The following ANO5 variants were observed in gnomAD, a reference collection of about 807,000 sequenced individuals.
The protein encoded by ANO5 is anoctamin-5.
ANO5 carries 109 observed loss-of-function variants against 121.0 expected under a neutral mutation model. The ratio of observed to expected loss-of-function variants is 0.90; its 90% confidence interval spans 0.77 to 1.06. The LOEUF (loss-of-function observed/expected upper bound fraction) is 1.06. Ranked by LOEUF, ANO5 falls within the 50% of genes least tolerant of loss-of-function variation. The pLI, the probability that ANO5 is intolerant of heterozygous loss-of-function variation, is 0.00. For missense variants in ANO5, 1,064 were observed against 1,078.5 expected, an observed-to-expected ratio of 0.99 and a Z score of 0.19; for synonymous variants, 406 against 359.9, an observed-to-expected ratio of 1.13 and a Z score of -1.45.
At chr11:22,253,484 T>G (rs927895979) in intron 12 of ANO5, among the ~76,000 whole-genome samples, 1 of 152,164 alleles carries the variant, frequency 6.6e-6, no homozygotes, top group Non-Finnish European at 1.5e-5. Context: ...ATAGCCATAG[T>G]AACCAAATAC....
At chr11:22,224,543 G>A (rs1456604567) in intron 5 of ANO5, among the ~76,000 whole-genome samples, 1 of 152,054 alleles carries the variant, frequency 6.6e-6, no homozygotes, top group Non-Finnish European at 1.5e-5. Context: ...AATGATACCA[G>A]ATCCATAGTT....
At chr11:22,226,097 T>C (rs1217788631) in intron 6 of ANO5, 45 bp downstream of exon 6, 2 of 1,495,532 alleles carry the variant, frequency 1.3e-6, no homozygotes, top group Non-Finnish European at 1.9e-6. Context: ...AATTTAAGTG[T>C]TGTTTTCTCC....
At chr11:22,269,553 GA>G (rs913310543) in intron 17 of ANO5, among the ~76,000 whole-genome samples, 1 of 134,474 alleles carries the variant, frequency 7.4e-6, no homozygotes, top group Admixed American at 7.2e-5. Flanking sequence ...AGGAAGGAAA[GA>G]AAAAAAGAAA....
rs772152931 is a variant in ANO5 at position 22,262,264 on chromosome 11, A to G, written c.1766A>G (p.Tyr589Cys). 1 of 1,613,882 alleles carries G rather than the reference A, an allele frequency of 6.2e-7. No homozygotes were observed. The highest frequency in any genetic ancestry group is 8.5e-7 in the Non-Finnish European group (1 of 1,179,934). ...AAGTTCGTAGGCTATCCTGGAAAATACACATATTTATTTAATGAGTGGAGA... is the reference window on the plus strand; with the variant it reads ...AAGTTCGTAGGCTATCCTGGAAAATGCACATATTTATTTAATGAGTGGAGA... ...KGKFVGYPGK[Y>C]TYLFNEWRSE... The change falls in exon 16 of 22, where the codon TAC (tyrosine) becomes TGC (cysteine). Residue 589 changes from tyrosine (Y) to cysteine (C), a missense_variant. Coordinates refer to ENST00000324559, the MANE Select transcript of ANO5 (RefSeq NM_213599.3).
intron 4 of ANO5, among the ~76,000 whole-genome samples, chr11:22,219,364 A>G (rs1302604430): frequency 1.3e-5 from 2 of 152,044 alleles, no homozygotes; most frequent in South Asian, 2.1e-4. Context: ...TACTCTGAAT[A>G]TGAGTTTTGT....
chr11:22,272,931 G>A lies in ANO5; in HGVS notation c.2177G>A (p.Ser726Asn), dbSNP rs1854677733. ...YRRTVASKAH[S>N]IGVWQDILYG... ...AGAACTGTAGCTTCTAAAGCTCATAGCATAGGTGTTTGGCAAGACATTCTT... is the reference window on the plus strand; with the variant it reads ...AGAACTGTAGCTTCTAAAGCTCATAACATAGGTGTTTGGCAAGACATTCTT... Residue 726 changes from serine to asparagine, a missense_variant, in exon 19 of 22, where the codon AGC (serine) becomes AAC (asparagine). Transcript: ENST00000324559. 6.2e-7 allele frequency: 1 copy of A among 1,614,080 alleles called. No individual in the cohort carries two copies. The highest frequency in any genetic ancestry group is 8.5e-7 in the Non-Finnish European group (1 of 1,180,024).
intron 12 of ANO5, among the ~76,000 whole-genome samples, chr11:22,252,224 G>T (rs1853849637): frequency 6.6e-6 from 1 of 151,970 alleles, no homozygotes; most frequent in Non-Finnish European, 1.5e-5. Context: ...CTTATTAATG[G>T]TTTAACAGCA....
chr11:22,250,682 G>A, intron 10 of ANO5, 59 bp from the exon 11 acceptor site: 2 of 1,506,276 alleles, frequency 1.3e-6, no homozygotes, highest in Non-Finnish European at 9.2e-7. Context: ...AATAAGAACA[G>A]CTTGGACTTT....
At chr11:22,240,100 T>C (rs1040270925) in intron 9 of ANO5, among the ~76,000 whole-genome samples, 10 of 152,084 alleles carry the variant, frequency 6.6e-5, no homozygotes, top group Admixed American at 5.2e-4. Context: ...ACACTTAGTG[T>C]TTAATACATA....
intron 14 of ANO5, 44 bp downstream of exon 14, chr11:22,257,798 A>T (rs1345251615): frequency 1.3e-6 from 2 of 1,488,536 alleles, no homozygotes; most frequent in Non-Finnish European, 1.9e-6. Context: ...TCAACAGGTG[A>T]TTAAATGAGC....
At chr11:22,279,446 G>C in intron 21 of ANO5, 98 bp from the exon 22 acceptor site, 1 of 1,006,870 alleles carries the variant, frequency 9.9e-7, no homozygotes, top group South Asian at 1.4e-5. Flanking sequence ...CTCATATGTT[G>C]AGCAGTTTCT....
At chr11:22,230,632 G>A (rs1853008845) in intron 7 of ANO5, among the ~76,000 whole-genome samples, 1 of 151,854 alleles carries the variant, frequency 6.6e-6, no homozygotes, top group Admixed American at 6.6e-5. Context: ...TGTTCCACAT[G>A]CCTAAAGCCA....
chr11:22,267,524 A>ATATATATATATATATATAT (rs141657651), intron 17 of ANO5, among the ~76,000 whole-genome samples: 3 of 144,644 alleles, frequency 2.1e-5, no homozygotes, highest in African/African-American at 8.5e-5. Flanking sequence ...ATATATATAT[A>ATATATATATATATATATAT]AAATCTATCT....
At chr11:22,235,263 T>A (rs938870792) in intron 7 of ANO5, among the ~76,000 whole-genome samples, 14 of 151,716 alleles carry the variant, frequency 9.2e-5, no homozygotes, top group African/African-American at 3.4e-4. Flanking sequence ...CAAGAGAGAG[T>A]TCTTATTGTG....
intron 9 of ANO5, among the ~76,000 whole-genome samples, chr11:22,246,409 C>T (rs1432390161): frequency 6.6e-6 from 1 of 151,978 alleles, no homozygotes; most frequent in African/African-American, 2.4e-5. Context: ...GTTTTTATTT[C>T]CTTAGTTGCA....
At chr11:22,203,234 G>GA (rs1238231930) in intron 1 of ANO5, among the ~76,000 whole-genome samples, 1 of 152,118 alleles carries the variant, frequency 6.6e-6, no homozygotes, top group Admixed American at 6.6e-5. Flanking sequence ...GGAACCACTA[G>GA]AAAATAAGAA....
intron 17 of ANO5, among the ~76,000 whole-genome samples, chr11:22,265,911 T>A (rs1181322736): frequency 3.3e-5 from 5 of 151,946 alleles, no homozygotes; most frequent in Non-Finnish European, 7.4e-5. Context: ...TGGAATGGAG[T>A]AGAGATTGTA....
In ANO5 at chr11:22,270,366, G is replaced by T; in HGVS notation, c.1953G>T (p.Leu651=). 6.2e-7 allele frequency: 1 copy of T among 1,614,146 alleles called. No individual in the cohort carries two copies. Among genetic ancestry groups the T allele is most frequent in the Non-Finnish European group, 8.5e-7 (1 of 1,180,010 alleles). The change falls in exon 18 of 22, where the codon CTG becomes CTT. Residue 651 remains leucine, a synonymous_variant. Transcript: ENST00000324559. ...RRKARTNSEK[L]YSRWEQDHDL... ...AAGCTCGGACAAACTCTGAGAAGCT[G>T]TATAGTCGATGGGAGCAGGATCATG...
Position 22,236,197 on chromosome 11 carries a change from T to C in ANO5, c.683T>C (p.Ile228Thr). The change falls in exon 8 of 22, where the codon ATA (isoleucine) becomes ACA (threonine). Residue 228 changes from isoleucine to threonine, a missense_variant. Physicochemically the swap from Ile to Thr is moderately conservative, Grantham distance 89 (BLOSUM62 -1). Transcript: ENST00000324559. Reference sequence around the variant, plus strand: ...ATTCTCTCAAGATGTCCTTTTGGCATAGAAGATGGGAAGAAAAGGTTTGGG... The same window carrying C: ...ATTCTCTCAAGATGTCCTTTTGGCACAGAAGATGGGAAGAAAAGGTTTGGG... ...YYILSRCPFGIEDGKKRFGIE... is the reference protein window; with the variant it reads ...YYILSRCPFGTEDGKKRFGIE... The C allele has an allele frequency of 1.2e-6, 2 of 1,613,336 alleles. No homozygotes were observed. Among genetic ancestry groups the C allele is most frequent in the South Asian group, 2.2e-5 (2 of 91,074 alleles).
Sources: allele counts gnomAD v4.1 joint callset (sites outside exome capture counted in the v4.1 genomes callset), GRCh38; gene constraint gnomAD v4.1.1; transcripts MANE v1.5; gene names NCBI Gene and HGNC (gene_info 2026-07-23, HGNC 2026-07-21).